Variants in RYR2 observed in about 807,000 individuals in gnomAD.
The protein encoded by RYR2 is ryanodine receptor 2.
A neutral mutation model predicts 601.1 loss-of-function variants in RYR2; 227 were observed. The ratio of observed to expected loss-of-function variants is 0.38; its 90% CI spans 0.34 to 0.42. The LOEUF is 0.42. RYR2 is among the 10% of genes least tolerant of loss of function. The pLI is 1.00. For synonymous variants in RYR2, 2,223 were observed against 2,175.1 expected (o/e 1.02, Z -0.61); for missense variants, 4,646 against 6,156.5 (o/e 0.75, Z 8.21).
chr1:237,110,744 C>G (rs906362116), intron 1 of RYR2, among the ~76,000 whole-genome samples: 2 of 152,174 alleles, frequency 1.3e-5, no homozygotes, highest in African/African-American at 4.8e-5. Context: ...ATTTCTCCCT[C>G]GGGGTACCAA....
At chr1:237,620,066 T>A (rs1678913733) in intron 38 of RYR2, among the ~76,000 whole-genome samples, 1 of 152,228 alleles carries the variant, frequency 6.6e-6, no homozygotes, top group Non-Finnish European at 1.5e-5. Context: ...AGTGCATTTT[T>A]ATTCTCTGGA....
chr1:237,652,672 G>GT (rs1159468305), intron 51 of RYR2, among the ~76,000 whole-genome samples: 5 of 151,972 alleles, frequency 3.3e-5, no homozygotes, highest in Admixed American at 1.3e-4. Flanking sequence ...CTATTTTTAT[G>GT]TTTTTTTGTC....
chr1:237,792,398 CGTGTGTGTGTGT>C (rs71162418), intron 94 of RYR2, 75 bp downstream of exon 94: 9 of 489,874 alleles, frequency 1.8e-5, no homozygotes, highest in Admixed American at 3.8e-5. Context: ...TGTGTGTGTG[CGTGTGTGTGTGT>C]GTGTGTGTGT....
At chr1:237,452,137 C>T (rs559761336) in intron 14 of RYR2, among the ~76,000 whole-genome samples, 1 of 146,294 alleles carries the variant, frequency 6.8e-6, no homozygotes, top group South Asian at 2.2e-4. Flanking sequence ...TAGTAATACT[C>T]ATGAGCATTT....
chr1:237,625,044 A>G (rs536267997), intron 39 of RYR2, among the ~76,000 whole-genome samples: 2 of 150,148 alleles, frequency 1.3e-5, no homozygotes, highest in East Asian at 1.9e-4. Context: ...ATGTGTGTGT[A>G]TATATATATT....
chr1:237,508,734 C>CTTTTTT (rs869044432), intron 23 of RYR2, among the ~76,000 whole-genome samples: 1 of 77,642 alleles, frequency 1.3e-5, no homozygotes. Flanking sequence ...TTCGGGTTTT[C>CTTTTTT]TTTTTTTTTT....
At chr1:237,759,617 T>C (rs530485826) in intron 82 of RYR2, among the ~76,000 whole-genome samples, 159 bp from the exon 83 acceptor site, 1 of 152,306 alleles carries the variant, frequency 6.6e-6, no homozygotes, top group South Asian at 2.1e-4. Context: ...TGCTTCGAGG[T>C]GTGTTCCTAC....
rs181969306 is a variant in RYR2, at chr1:237,417,459, T to C, written c.848+336T>C. Among the ~76,000 whole-genome samples, 154 of 152,320 alleles carry C rather than the reference T, an allele frequency of 1.0e-3. 1 individual carries two copies. The highest frequency in any genetic ancestry group is 3.5e-3 in the African/African-American group (146 of 41,580). ...CTACTAGGACAGAGTGATGTAAGAT[T>C]TGGAGACACGACAAGTTCTTTGCAA... On this transcript the variant is annotated intron_variant, in intron 11 of 104. Coordinates refer to ENST00000366574, the MANE Select transcript of RYR2 (RefSeq NM_001035.3).
At position 237,328,200 on chromosome 1, in the gene RYR2, C is replaced by G. The variant is rs1339697864; in HGVS notation, c.169-2678C>G. 4.2e-4 allele frequency among the ~76,000 whole-genome samples: 64 copies of G among 152,150 alleles called. 1 individual carries two copies. Among genetic ancestry groups the G allele is most frequent in the Non-Finnish European group, 4.4e-5 (3 of 67,982 alleles). ...GCACACCATTTGATAACATAGCGCC[C>G]TTTCAGCAGTGCCAAAGTATAAGCC... On this transcript the variant is annotated intron_variant, in intron 2 of 104. Coordinates refer to ENST00000366574, the MANE Select transcript of RYR2 (RefSeq NM_001035.3).
chr1:237,823,064 G>A (rs145259798), intron 101 of RYR2, among the ~76,000 whole-genome samples: 84 of 152,282 alleles, frequency 5.5e-4, no homozygotes, highest in African/African-American at 1.9e-3. Flanking sequence ...AAGAGACTTA[G>A]ACTCCCCAAA....
At chr1:237,672,801 G>C (rs1222040598) in intron 58 of RYR2, among the ~76,000 whole-genome samples, 2 of 152,104 alleles carry the variant, frequency 1.3e-5, no homozygotes, top group East Asian at 3.9e-4. Context: ...TCTGACAACT[G>C]TTTGTGCTTG....
At chr1:237,479,432 G>A (rs1026743459) in intron 17 of RYR2, among the ~76,000 whole-genome samples, 1 of 152,092 alleles carries the variant, frequency 6.6e-6, no homozygotes, top group Admixed American at 6.6e-5. Context: ...GGAATGATGC[G>A]CTTGGTTTGT....
chr1:237,355,863 G>T, intron 3 of RYR2, 102 bp from the exon 4 acceptor site: 1 of 1,006,040 alleles, frequency 9.9e-7, no homozygotes, highest in Non-Finnish European at 1.5e-6. Context: ...GTAGATTGTG[G>T]TGCAAGGACC....
chr1:237,289,162 C>T (rs888485568), intron 2 of RYR2, among the ~76,000 whole-genome samples: 1 of 152,176 alleles, frequency 6.6e-6, no homozygotes, highest in Non-Finnish European at 1.5e-5. Flanking sequence ...GGGGGGTCTC[C>T]CGGGTCCTGC....
chr1:237,593,374 T>A (rs1675449616), intron 32 of RYR2, 102 bp from the exon 33 acceptor site: 1 of 1,188,768 alleles, frequency 8.4e-7, no homozygotes, highest in East Asian at 2.5e-5. Flanking sequence ...AAGAAGTGAA[T>A]TCTTAAGTCA....
intron 25 of RYR2, 124 bp from the exon 26 acceptor site, chr1:237,548,307 T>G: frequency 1.1e-6 from 1 of 925,218 alleles, no homozygotes; most frequent in East Asian, 2.6e-5. Context: ...GTCTGGTACT[T>G]CACCACTGGT....
intron 16 of RYR2, among the ~76,000 whole-genome samples, chr1:237,459,157 TGTG>T (rs1659182368): frequency 1.3e-5 from 2 of 152,184 alleles, no homozygotes; most frequent in East Asian, 3.8e-4. Flanking sequence ...GAGACTAAAG[TGTG>T]GTGATGTTTT....
Position 237,042,400 on chromosome 1 carries a change from C to A in RYR2, c.-122C>A. 2.1e-6 allele frequency: 2 copies of A among 975,502 alleles called. No homozygotes were observed. Among genetic ancestry groups the A allele is most frequent in the Non-Finnish European group, 2.6e-6 (2 of 766,126 alleles). 60.4% of individuals were successfully genotyped at this position (975,502 alleles called of 1,614,324 possible). On this transcript the variant is annotated 5_prime_UTR_variant, in exon 1 of 105. Coordinates refer to ENST00000366574, the MANE Select transcript of RYR2 (RefSeq NM_001035.3). Reference sequence around the variant, plus strand: ...GGACCGCCCGGCGCTCGGCACCCGGCAGCGCGGCCCCCTCCAGCCCCCGGC... The same window carrying A: ...GGACCGCCCGGCGCTCGGCACCCGGAAGCGCGGCCCCCTCCAGCCCCCGGC...
intron 27 of RYR2, among the ~76,000 whole-genome samples, chr1:237,552,341 T>C (rs538811015): frequency 1.3e-5 from 2 of 152,310 alleles, no homozygotes; most frequent in East Asian, 3.9e-4. Flanking sequence ...TATATAATTA[T>C]GTTTTTAAAT....
Sources: allele counts gnomAD v4.1 joint callset (sites outside exome capture counted in the v4.1 genomes callset), GRCh38; gene constraint gnomAD v4.1.1; transcripts MANE v1.5; gene names NCBI Gene and HGNC (gene_info 2026-07-23, HGNC 2026-07-21).